TADA2A: variants seen among roughly 807,000 people sequenced by gnomAD.
The protein encoded by TADA2A is transcriptional adapter 2-alpha.
Under a neutral mutation model 67.4 loss-of-function variants are expected in TADA2A, and 38 were observed. That is an observed-to-expected ratio of 0.56 (90% CI 0.44 to 0.74). The LOEUF (loss-of-function observed/expected upper bound fraction) is 0.74, where lower values mean the gene tolerates loss of function less well. Ranked by LOEUF, TADA2A falls within the 30% of genes least tolerant of loss-of-function variation. TADA2A has a pLI of 0.00. For synonymous variants in TADA2A, 192 were observed against 181.6 expected (o/e 1.06, Z -0.46); for missense variants, 454 against 547.0 (o/e 0.83, Z 1.70).
Position 37,422,031 on chromosome 17 carries a change from G to A in TADA2A, c.26-1478G>A, listed in dbSNP as rs1387934809. Among the ~76,000 whole-genome samples the A allele has an allele frequency of 5.6e-5, 8 of 141,888 alleles. 1 individual carries two copies. Among genetic ancestry groups the A allele is most frequent in the Non-Finnish European group, 9.4e-5 (6 of 64,164 alleles). 93.1% of individuals were successfully genotyped at this position (141,888 alleles called of 152,430 possible). On this transcript the variant is annotated intron_variant, in intron 2 of 15. Coordinates refer to ENST00000615182, the MANE Select transcript of TADA2A (RefSeq NM_001166105.3). ...GTAGCTGGGACTACAGATGCATACC[G>A]CCATGCTTGGCTAATTTTTTTGTTT...
At chr17:37,431,115 G>A (rs765514456) in intron 4 of TADA2A, among the ~76,000 whole-genome samples, 1 of 151,940 alleles carries the variant, frequency 6.6e-6, no homozygotes, top group Non-Finnish European at 1.5e-5. Context: ...AAGACCTCCT[G>A]TGTGGTCTTC....
chr17:37,460,162 C>A (rs1173302752), intron 9 of TADA2A, among the ~76,000 whole-genome samples: 2 of 151,452 alleles, frequency 1.3e-5, no homozygotes, highest in African/African-American at 4.9e-5. Context: ...CATCCTACTG[C>A]CTTGGCCTCC....
intron 2 of TADA2A, among the ~76,000 whole-genome samples, chr17:37,412,210 CAAAAAAAGAAAAAAAAA>C (rs2051898621): frequency 1.4e-5 from 1 of 73,006 alleles, no homozygotes; most frequent in South Asian, 5.4e-4. Context: ...GACTCTGTCT[CAAAAAAAGAAAAAAAAA>C]AAAAAAAGAA....
At chr17:37,437,681 C>A in intron 4 of TADA2A, 57 bp from the exon 5 acceptor site, 1 of 1,523,720 alleles carries the variant, frequency 6.6e-7, no homozygotes, top group Non-Finnish European at 9.1e-7. Context: ...GCCACCGTGC[C>A]TGGCCCCTAG....
intron 4 of TADA2A, among the ~76,000 whole-genome samples, chr17:37,431,356 A>G (rs2147944385): frequency 6.6e-6 from 1 of 152,014 alleles, no homozygotes; most frequent in East Asian, 1.9e-4. Flanking sequence ...AGGGTTATGA[A>G]TTTAGTATAG....
intron 8 of TADA2A, among the ~76,000 whole-genome samples, chr17:37,448,423 G>A (rs1000509827): frequency 8.5e-5 from 13 of 152,132 alleles, no homozygotes; most frequent in Admixed American, 2.0e-4. Context: ...AGGAAGTTCC[G>A]TGATCCCTAA....
At chr17:37,465,379 T>G in intron 10 of TADA2A, 52 bp from the exon 11 acceptor site, 1 of 1,399,690 alleles carries the variant, frequency 7.1e-7, no homozygotes, top group Admixed American at 2.2e-5. Flanking sequence ...TGCTGAAAAC[T>G]CAGGGATCCT....
intron 10 of TADA2A, among the ~76,000 whole-genome samples, chr17:37,464,346 A>T (rs1464413624): frequency 1.3e-5 from 2 of 152,362 alleles, no homozygotes; most frequent in East Asian, 3.9e-4. Flanking sequence ...GAGGATGTGT[A>T]GGTGGGACAT....
chr17:37,449,770 C>G (rs1439214034), intron 8 of TADA2A, among the ~76,000 whole-genome samples: 1 of 152,076 alleles, frequency 6.6e-6, no homozygotes, highest in Non-Finnish European at 1.5e-5. Flanking sequence ...CAGGCGTGCA[C>G]CATCACACCT....
At chr17:37,442,511 T>G (rs2052950492) in intron 6 of TADA2A, 53 bp from the exon 7 acceptor site, 1 of 1,398,588 alleles carries the variant, frequency 7.2e-7, no homozygotes, top group African/African-American at 1.4e-5. Context: ...TATGTCATTT[T>G]TTTCATGCCA....
At chr17:37,434,746 A>G (rs2052671410) in intron 4 of TADA2A, among the ~76,000 whole-genome samples, 1 of 152,258 alleles carries the variant, frequency 6.6e-6, no homozygotes, top group Non-Finnish European at 1.5e-5. Context: ...CAGGAAAGGA[A>G]ACAGAAAAGA....
At chr17:37,423,735 A>C (rs889512323) in intron 3 of TADA2A, 120 bp downstream of exon 3, 3 of 725,472 alleles carry the variant, frequency 4.1e-6, no homozygotes, top group East Asian at 3.0e-5. Flanking sequence ...TATTCCTTCC[A>C]ATTTTTCTTT....
At chr17:37,468,081 C>CAA (rs5820219) in intron 12 of TADA2A, among the ~76,000 whole-genome samples, 8 of 131,634 alleles carry the variant, frequency 6.1e-5, no homozygotes, top group African/African-American at 2.3e-4. Context: ...GATTCTGTTT[C>CAA]AAAAAAAAAA....
chr17:37,467,654 T>C, intron 12 of TADA2A, 129 bp downstream of exon 12: 1 of 748,652 alleles, frequency 1.3e-6, no homozygotes, highest in South Asian at 2.0e-5. Context: ...CTTTAAACCT[T>C]TCCAGTAAAG....
intron 4 of TADA2A, among the ~76,000 whole-genome samples, chr17:37,434,867 A>G (rs914951392): frequency 1.3e-5 from 2 of 152,204 alleles, no homozygotes; most frequent in Admixed American, 1.3e-4. Flanking sequence ...ATACTTATTG[A>G]TGCTCAAAAT....
chr17:37,464,465 A>G (rs1452749709), intron 10 of TADA2A, among the ~76,000 whole-genome samples: 6 of 152,112 alleles, frequency 3.9e-5, no homozygotes, highest in African/African-American at 7.2e-5. Flanking sequence ...TTTTGGCCAT[A>G]ATTCTTCCTA....
At chr17:37,448,618 T>A (rs1283426707) in intron 8 of TADA2A, among the ~76,000 whole-genome samples, 1 of 152,164 alleles carries the variant, frequency 6.6e-6, no homozygotes, top group Non-Finnish European at 1.5e-5. Flanking sequence ...TAAAAATTCT[T>A]CCTAAATTTT....
intron 3 of TADA2A, among the ~76,000 whole-genome samples, chr17:37,425,310 A>G (rs2147930759): frequency 6.6e-6 from 1 of 152,320 alleles, no homozygotes; most frequent in East Asian, 1.9e-4. Flanking sequence ...CAAGGGAAGA[A>G]ACAATTTTTG....
At chr17:37,465,279 C>A in intron 10 of TADA2A, 152 bp from the exon 11 acceptor site, 1 of 619,562 alleles carries the variant, frequency 1.6e-6, no homozygotes, top group Non-Finnish European at 2.8e-6. Context: ...GCATTCTTGG[C>A]TTTCCTGTTT....
Sources: gnomAD v4.1 joint callset for allele counts (sites outside exome capture counted in the v4.1 genomes callset) on GRCh38, gnomAD v4.1.1 for gene constraint, MANE v1.5 for transcripts, NCBI Gene and HGNC (gene_info 2026-07-23, HGNC 2026-07-21) for gene names.